The following APC2 variants were observed in gnomAD, a reference collection of about 807,000 sequenced individuals.
The protein encoded by APC2 is APC regulator of Wnt signaling pathway 2.
Under a neutral mutation model 72.5 loss-of-function variants are expected in APC2, and 41 were observed. The ratio of observed to expected loss-of-function variants is 0.57; its 90% confidence interval spans 0.44 to 0.73. The LOEUF (loss-of-function observed/expected upper bound fraction) is 0.73, where lower values mean the gene tolerates loss of function less well. Ranked by LOEUF, APC2 falls within the 30% of genes least tolerant of loss-of-function variation. The pLI, the probability that APC2 is intolerant of heterozygous loss-of-function variation, is 0.00. For missense variants in APC2, 3,729 were observed against 3,403.4 expected (o/e 1.10, Z -2.38); for synonymous variants, 1,898 against 1,612.0 (o/e 1.18, Z -4.25).
At chr19:1,462,242 G>GGGCAC in intron 14 of APC2, 65 bp downstream of exon 14, 1 of 1,428,814 alleles carries the variant, frequency 7.0e-7, no homozygotes, top group South Asian at 1.4e-5. Flanking sequence ...GGGCTGGGCT[G>GGGCAC]GGCACTGTCC....
In APC2 at chr19:1,457,257, C is replaced by G. The variant is rs918449935; in HGVS notation, c.1207+14C>G. On this transcript the variant is annotated intron_variant, in intron 9 of 14. Coordinates refer to ENST00000590469, the MANE Select transcript of APC2 (RefSeq NM_005883.3). The stretch of plus-strand genomic sequence containing the variant: ...GCGCCGGCAGCGGTGAGTGCCTGGC[C>G]TGGTGGGCCCCCTCCGCGCAATTAA... 20 of 1,503,914 alleles carry G rather than the reference C, an allele frequency of 1.3e-5. No individual in the cohort carries two copies. In the African/African-American group the frequency reaches 2.5e-4, roughly 18 times the overall value. 93.2% of individuals were successfully genotyped at this position (1,503,914 alleles called of 1,614,324 possible).
chr19:1,446,479 T>C (rs1487831801), upstream of APC2: 17 of 607,854 alleles, frequency 2.8e-5, no homozygotes, highest in Non-Finnish European at 3.5e-5. This position sits in a 1 kb window ranked among gnomAD's most constrained non-coding sequence, Gnocchi z 6.1. Context: ...GTCGGGGGTC[T>C]AGTGCCGTCG....
At position 1,465,394 on chromosome 19, in the gene APC2, G is replaced by A. The variant is rs753761754; in HGVS notation, c.2093G>A (p.Arg698Gln). ...GCCCTGCGCAACCTGCTGGCCCATC[G>A]GCCCGCCAAGCACCAGGCGGCCGCC... is the stretch of plus-strand genomic sequence containing the variant. ...AAALRNLLAH[R>Q]PAKHQAAATA... The change falls in exon 15 of 15, where the codon CGG becomes CAG. Residue 698 changes from arginine to glutamine, a missense_variant. By Grantham distance (43) the Arg-to-Gln change is conservative. Coordinates refer to ENST00000590469, the MANE Select transcript of APC2 (RefSeq NM_005883.3). 10 of 1,566,378 alleles carry A rather than the reference G, an allele frequency of 6.4e-6. No homozygotes were observed. The highest frequency in any genetic ancestry group is 4.6e-5 in the South Asian group (4 of 87,488).
At chr19:1,455,535 G>A in intron 6 of APC2, 35 bp downstream of exon 6, 4 of 1,566,704 alleles carry the variant, frequency 2.6e-6, no homozygotes, top group South Asian at 2.3e-5. Context: ...GGCGGTAGGC[G>A]GGGCCCTGCG....
At position 1,470,098 on chromosome 19, in the gene APC2, G is replaced by C. The variant is rs1158332842; in HGVS notation, c.6797G>C (p.Arg2266Pro). The change falls in exon 15 of 15, where the codon CGC (arginine) becomes CCC (proline). Residue 2266 changes from arginine to proline, a missense_variant. Physicochemically the swap from Arg to Pro is moderately radical, Grantham distance 103. Transcript: ENST00000590469. ...FPASRHGSPS[R>P]SARVPPFNYV... Reference sequence around the variant, plus strand: ...GCCAGCCGGCACGGCTCCCCCAGCCGCTCGGCCCGAGTACCCCCCTTCAAC... The same window carrying C: ...GCCAGCCGGCACGGCTCCCCCAGCCCCTCGGCCCGAGTACCCCCCTTCAAC... 1.2e-6 allele frequency: 2 copies of C among 1,603,948 alleles called. No individual in the cohort carries two copies. The highest frequency in any genetic ancestry group is 1.7e-6 in the Non-Finnish European group (2 of 1,177,332).
intron 14 of APC2, among the ~76,000 whole-genome samples, chr19:1,464,434 T>C (rs901189943): frequency 6.6e-6 from 1 of 152,090 alleles, no homozygotes; most frequent in Non-Finnish European, 1.5e-5. Context: ...CTCACGCCTG[T>C]AATCCCAGCC....
In APC2 at chr19:1,469,410, T is replaced by G; in HGVS notation, c.6109T>G (p.Phe2037Val). The G allele has an allele frequency of 1.7e-6, 2 of 1,200,152 alleles. No individual in the cohort carries two copies. Among genetic ancestry groups the G allele is most frequent in the Non-Finnish European group, 1.0e-6 (1 of 968,968 alleles). 74.3% of individuals were successfully genotyped at this position (1,200,152 alleles called of 1,614,324 possible). A position where few individuals can be genotyped will look rare whatever the true frequency, so the allele number is the denominator to read the frequency against. ...CGGCCGGCCCGCGCTGCCCGCCGTC[T>G]TCCTCTGCTCCTCGCGCTGCGAAGA... ...RRGRPALPAV[F>V]LCSSRCEELR... The change falls in exon 15 of 15, where the codon TTC becomes GTC. Residue 2037 changes from phenylalanine to valine, a missense_variant. Transcript: ENST00000590469.
In APC2 at chr19:1,469,540, G is replaced by T; in HGVS notation, c.6239G>T (p.Ser2080Ile). The change falls in exon 15 of 15, where the codon AGC (serine) becomes ATC (isoleucine). Residue 2080 changes from serine to isoleucine, a missense_variant. Transcript: ENST00000590469. ...ERPARRTTSE[S>I]PSRLPVRAPA... is the part of the protein sequence containing the mutation. ...CCTGCCCGGCGCACCACCTCCGAGA[G>T]CCCGTCCCGCCTGCCTGTGCGCGCG... is the stretch of plus-strand genomic sequence containing the variant. 8.3e-7 allele frequency: 1 copy of T among 1,207,892 alleles called. No homozygotes were observed. Among genetic ancestry groups the T allele is most frequent in the South Asian group, 1.9e-5 (1 of 53,904 alleles). The allele number at this position is 1,207,892 out of a possible 1,614,324, so 74.8% of individuals were successfully genotyped here.
Position 1,453,258 on chromosome 19 carries a change from G to A in APC2, c.153G>A (p.Lys51=). Residue 51 remains lysine, a synonymous_variant, in exon 3 of 15, where the codon AAG becomes AAA. Coordinates refer to ENST00000590469, the MANE Select transcript of APC2 (RefSeq NM_005883.3). ...TETSGMKEVL[K]HLQGKLEQEA... ...TCCCGCCCCTGCAGGAGGTCCTGAAGCACCTACAGGGAAAACTGGAGCAGG... is the reference window on the plus strand; with the variant it reads ...TCCCGCCCCTGCAGGAGGTCCTGAAACACCTACAGGGAAAACTGGAGCAGG... 1 of 1,565,164 alleles carries A rather than the reference G, an allele frequency of 6.4e-7. No individual in the cohort carries two copies. The highest frequency in any genetic ancestry group is 8.7e-7 in the Non-Finnish European group (1 of 1,154,786).
intron 4 of APC2, among the ~76,000 whole-genome samples, chr19:1,454,608 A>G (rs34096955): frequency 0.13 from 18,562 of 143,910 alleles, 2,871 homozygotes; most frequent in African/African-American, 0.38. Context: ...CTGTCGCCCA[A>G]GCTGGAGTGC....
intron 4 of APC2, among the ~76,000 whole-genome samples, 197 bp from the exon 5 acceptor site, chr19:1,454,952 A>C: frequency 6.8e-6 from 1 of 148,126 alleles, no homozygotes; most frequent in Non-Finnish European, 1.5e-5. Flanking sequence ...CTCTCCTTTA[A>C]TTTTTTTGCA....
At chr19:1,457,898 G>GGGGGGGGA (rs1555675929) in intron 9 of APC2, 67 bp from the exon 10 acceptor site, 13 of 1,432,490 alleles carry the variant, frequency 9.1e-6, no homozygotes, top group Admixed American at 4.0e-5. Flanking sequence ...CGGGTTGCGG[G>GGGGGGGGA]ACCTTCGGGA....
In APC2 at chr19:1,453,368, G is replaced by C. The variant is rs371790688; in HGVS notation, c.232+31G>C. The C allele has an allele frequency of 4.3e-6, 7 of 1,611,324 alleles. No individual in the cohort carries two copies. The East Asian group carries it at 6.7e-5, about 15-fold the overall frequency. On this transcript the variant is annotated intron_variant, in intron 3 of 14. Transcript: ENST00000590469. ...CGGTGGGGCCACCCGCAGAGGGAGT[G>C]GGGGAGGCTGGGGGGAAAGGCAGGC...
At chr19:1,459,142 G>T (rs1394641966) in intron 10 of APC2, among the ~76,000 whole-genome samples, 1 of 152,126 alleles carries the variant, frequency 6.6e-6, no homozygotes, top group African/African-American at 2.4e-5. Context: ...TTTTATGCCT[G>T]GCGTCTCCCA....
intron 9 of APC2, 139 bp from the exon 10 acceptor site, chr19:1,457,826 A>C: frequency 1.4e-6 from 1 of 710,048 alleles, no homozygotes; most frequent in Admixed American, 2.2e-5. Flanking sequence ...GAGGCTGGGA[A>C]AGGAAGTCCC....
intron 4 of APC2, 85 bp downstream of exon 4, chr19:1,453,696 CA>C (rs2145183898): frequency 6.7e-7 from 1 of 1,489,574 alleles, no homozygotes; most frequent in East Asian, 2.5e-5. Flanking sequence ...CGCCCACCCG[CA>C]TATGTCTCTG....
At position 1,467,743 on chromosome 19, in the gene APC2, G is replaced by C; in HGVS notation, c.4442G>C (p.Gly1481Ala). 4 of 1,437,026 alleles carry C rather than the reference G, an allele frequency of 2.8e-6. No homozygotes were observed. Among genetic ancestry groups the C allele is most frequent in the Non-Finnish European group, 3.6e-6 (4 of 1,102,786 alleles). The allele number at this position is 1,437,026 out of a possible 1,614,324, so 89.0% of individuals were successfully genotyped here. ...CCGAGCGCCCCCGCAGACAAGGACG[G>C]CTCAAAGCCCGGCCGGACCCGCGGG... Reference protein sequence around the residue: ...RPPSAPADKDGSKPGRTRGDG... With the variant: ...RPPSAPADKDASKPGRTRGDG... The change falls in exon 15 of 15, where the codon GGC (glycine) becomes GCC (alanine). Residue 1481 changes from glycine to alanine, a missense_variant. Physicochemically the swap from Gly to Ala is moderately conservative, Grantham distance 60. Coordinates refer to ENST00000590469, the MANE Select transcript of APC2 (RefSeq NM_005883.3).
chr19:1,467,232 G>A lies in APC2; in HGVS notation c.3931G>A (p.Ala1311Thr), dbSNP rs750685634. Residue 1311 changes from alanine to threonine, a missense_variant, in exon 15 of 15, where the codon GCC becomes ACC. Physicochemically the swap from Ala to Thr is moderately conservative, Grantham distance 58. Coordinates refer to ENST00000590469, the MANE Select transcript of APC2 (RefSeq NM_005883.3). The stretch of plus-strand genomic sequence containing the variant: ...CGAGCGCGGCGGGGGCGCCGGGGGC[G>A]CCGGCCTCCACTTTGCAGGGCACCG... ...CPERGGGAGG[A>T]GLHFAGHRRR... 4.2e-5 allele frequency: 57 copies of A among 1,366,890 alleles called. No homozygotes were observed. The African/African-American group carries it at 7.2e-4, about 17-fold the overall frequency. The allele number at this position is 1,366,890 out of a possible 1,614,324, so 84.7% of individuals were successfully genotyped here. A position where few individuals can be genotyped will look rare whatever the true frequency, so the allele number is the denominator to read the frequency against.
chr19:1,468,979 T>C lies in APC2; in HGVS notation c.5678T>C (p.Val1893Ala). Residue 1893 changes from valine (V) to alanine (A), a missense_variant, in exon 15 of 15, where the codon GTC becomes GCC. Physicochemically the swap from Val to Ala is moderately conservative, Grantham distance 64. Transcript: ENST00000590469. ...CCCCTGCCCAGAAAGCGCCCCCCGGTCACCCAGGCTGCTGGGGCCCTGCCC... is the reference window on the plus strand; with the variant it reads ...CCCCTGCCCAGAAAGCGCCCCCCGGCCACCCAGGCTGCTGGGGCCCTGCCC... ...SQPLPRKRPP[V>A]TQAAGALPGP... The C allele has an allele frequency of 6.4e-7, 1 of 1,558,808 alleles. No homozygotes were observed. Among genetic ancestry groups the C allele is most frequent in the Non-Finnish European group, 8.6e-7 (1 of 1,158,122 alleles).
Sources: allele counts gnomAD v4.1 joint callset (sites outside exome capture counted in the v4.1 genomes callset), GRCh38; gene constraint gnomAD v4.1.1; non-coding constraint Gnocchi (gnomAD v3.1); transcripts MANE v1.5; gene names NCBI Gene and HGNC (gene_info 2026-07-23, HGNC 2026-07-21).